CWF19L1: variants seen among roughly 807,000 people sequenced by gnomAD.
CWF19L1 encodes the protein CWF19-like protein 1.
In CWF19L1, 60 loss-of-function variants were observed where a neutral mutation model predicts 69.7. That is an observed-to-expected ratio of 0.86 (90% CI 0.70 to 1.07). The LOEUF is 1.07. Among genes scored for constraint, CWF19L1 ranks in the 50% least tolerant of loss-of-function variants. The probability of loss-of-function intolerance (pLI) is 0.00; values close to 1 mark genes in which losing one functional copy is unlikely to be tolerated. For missense variants in CWF19L1, 591 were observed against 638.9 expected (o/e 0.92, Z 0.81); for synonymous variants, 209 against 222.2 (o/e 0.94, Z 0.53).
chr10:100,253,554 C>T lies in CWF19L1; in HGVS notation c.505-15G>A. 6.7e-7 allele frequency: 1 copy of T among 1,491,284 alleles called. No homozygotes were observed. Among genetic ancestry groups the T allele is most frequent in the Non-Finnish European group, 9.4e-7 (1 of 1,068,878 alleles). The allele number at this position is 1,491,284 out of a possible 1,614,324, so 92.4% of individuals were successfully genotyped here. A position where few individuals can be genotyped will look rare whatever the true frequency, so the allele number is the denominator to read the frequency against. On this transcript the variant is annotated splice_polypyrimidine_tract_variant and intron_variant, in intron 5 of 13. Coordinates refer to ENST00000354105, the MANE Select transcript of CWF19L1 (RefSeq NM_018294.6). ...TCCACTTCTCCCTAGTAAACAAAAACTTAGTCATCCATACAGACCAAAAGT... is the reference window on the plus strand; with the variant it reads ...TCCACTTCTCCCTAGTAAACAAAAATTTAGTCATCCATACAGACCAAAAGT...
Position 100,235,779 on chromosome 10 carries a change from G to C in CWF19L1, c.1375-15C>G. 1 of 1,547,190 alleles carries C rather than the reference G, an allele frequency of 6.5e-7. No individual in the cohort carries two copies. Among genetic ancestry groups the C allele is most frequent in the Non-Finnish European group, 8.9e-7 (1 of 1,124,248 alleles). ...GGCTGTGCAATCTAAAGTAAACAGA[G>C]TTGTATGAGGATGTCCAATAATGCT... On this transcript the variant is annotated splice_polypyrimidine_tract_variant and intron_variant, in intron 12 of 13. Transcript: ENST00000354105.
At chr10:100,248,742 G>C in intron 7 of CWF19L1, 1 of 1,247,538 alleles carries the variant, frequency 8.0e-7, no homozygotes, top group Non-Finnish European at 1.2e-6. Context: ...CCACCTTTGG[G>C]CTCATCCTGG....
chr10:100,251,534 C>T (rs59758955), intron 6 of CWF19L1, among the ~76,000 whole-genome samples: 1,291 of 101,068 alleles, frequency 0.013, 22 homozygotes, highest in African/African-American at 0.049. Context: ...TTTTTTGAGA[C>T]GGAGTCTCAC....
In CWF19L1 at chr10:100,267,320, G is replaced by A. The variant is rs146534682; in HGVS notation, c.23+251C>T. ...GGCCAGGACTGCCCCCTAAGATGGA[G>A]GAGGCCTAACTCTGGGAGCTTCCGC... On this transcript the variant is annotated intron_variant, in intron 1 of 13. Transcript: ENST00000354105. 2.3e-3 allele frequency: 1,130 copies of A among 493,676 alleles called. 16 individuals carry two copies. Among genetic ancestry groups the A allele is most frequent in the African/African-American group, 0.022 (1,070 of 47,750 alleles). The allele number at this position is 493,676 out of a possible 1,614,324, so 30.6% of individuals were successfully genotyped here. A position where few individuals can be genotyped will look rare whatever the true frequency, so the allele number is the denominator to read the frequency against.
At chr10:100,253,569 A>C (rs1273736936) in intron 5 of CWF19L1, 30 bp from the exon 6 acceptor site, 2 of 1,238,154 alleles carry the variant, frequency 1.6e-6, no homozygotes, top group Non-Finnish European at 1.2e-6. Context: ...TCATCCATAC[A>C]GACCAAAAGT....
At chr10:100,236,777 C>A in intron 12 of CWF19L1, 73 bp downstream of exon 12, 1 of 1,516,400 alleles carries the variant, frequency 6.6e-7, no homozygotes, top group Non-Finnish European at 8.8e-7. Context: ...CTCAAACAAA[C>A]AAACAAACAA....
At chr10:100,236,612 A>ATTT (rs1043270383) in intron 12 of CWF19L1, among the ~76,000 whole-genome samples, 3 of 152,170 alleles carry the variant, frequency 2.0e-5, no homozygotes, top group Admixed American at 6.5e-5. Context: ...TCGACTAAAA[A>ATTT]TACAAAAAGT....
intron 4 of CWF19L1, 31 bp downstream of exon 4, chr10:100,260,187 C>CA (rs750118698): frequency 6.0e-3 from 7,632 of 1,272,722 alleles, no homozygotes; most frequent in Non-Finnish European, 6.3e-3. Flanking sequence ...AAACAAAAAA[C>CA]AAAAAAAAAA....
chr10:100,260,169 A>G, intron 4 of CWF19L1, 49 bp downstream of exon 4: 1 of 1,300,380 alleles, frequency 7.7e-7, no homozygotes, highest in Non-Finnish European at 1.1e-6. Flanking sequence ...CTCCGTCTCA[A>G]AAACAAAAAA....
intron 1 of CWF19L1, among the ~76,000 whole-genome samples, chr10:100,263,261 T>C (rs555871417): frequency 6.6e-6 from 1 of 152,280 alleles, no homozygotes; most frequent in Non-Finnish European, 1.5e-5. Flanking sequence ...TTTCTAGTAC[T>C]TTCTCCAAGT....
At chr10:100,252,768 G>A (rs148991108) in intron 6 of CWF19L1, among the ~76,000 whole-genome samples, 11,013 of 151,154 alleles carry the variant, frequency 0.073, 687 homozygotes, top group African/African-American at 0.16. Context: ...CCCAGGAGGC[G>A]GAGGTTGCAG....
rs371534072 is a variant in CWF19L1, at chr10:100,233,783, A to G, written c.1473-412T>C. Reference sequence around the variant, plus strand: ...TGAAATGCAAATAAGAACACCCACCATACAGGGTTTTTGTGAGGTACAGAG... The same window carrying G: ...TGAAATGCAAATAAGAACACCCACCGTACAGGGTTTTTGTGAGGTACAGAG... On this transcript the variant is annotated intron_variant, in intron 13 of 13. Coordinates refer to ENST00000354105, the MANE Select transcript of CWF19L1 (RefSeq NM_018294.6). Among the ~76,000 whole-genome samples, 94 of 145,854 alleles carry G rather than the reference A, an allele frequency of 6.4e-4. 4 individuals are homozygous for G. The South Asian group carries it at 0.019, about 30-fold the overall frequency.
intron 6 of CWF19L1, among the ~76,000 whole-genome samples, chr10:100,250,716 C>T (rs1221573510): frequency 6.6e-6 from 1 of 152,018 alleles, no homozygotes; most frequent in African/African-American, 2.4e-5. Flanking sequence ...GAGGCTGAGA[C>T]AGGAGGACTG....
chr10:100,264,803 G>A (rs60138434), intron 1 of CWF19L1, among the ~76,000 whole-genome samples: 7,397 of 151,772 alleles, frequency 0.049, 600 homozygotes, highest in African/African-American at 0.17. Flanking sequence ...GCCTAGACTC[G>A]TGTGTGTGTC....
intron 9 of CWF19L1, among the ~76,000 whole-genome samples, chr10:100,245,492 A>AC (rs1846785576): frequency 6.6e-6 from 1 of 152,230 alleles, no homozygotes; most frequent in African/African-American, 2.4e-5. Flanking sequence ...CCCCTAGAGA[A>AC]CCATACCTAT....
chr10:100,260,877 T>C, intron 3 of CWF19L1, 89 bp downstream of exon 3: 1 of 829,106 alleles, frequency 1.2e-6, no homozygotes, highest in Admixed American at 2.7e-5. Context: ...AACTCTTAAA[T>C]TCTTAAATAA....
At chr10:100,241,241 G>A (rs1371528630) in intron 10 of CWF19L1, among the ~76,000 whole-genome samples, 2 of 151,884 alleles carry the variant, frequency 1.3e-5, no homozygotes, top group South Asian at 2.1e-4. Flanking sequence ...TCCTGACCTC[G>A]TGATCCACCT....
At position 100,238,227 on chromosome 10, in the gene CWF19L1, T is replaced by C; in HGVS notation, c.1049A>G (p.Tyr350Cys). The C allele has an allele frequency of 6.2e-7, 1 of 1,614,060 alleles. No homozygotes were observed. The highest frequency in any genetic ancestry group is 2.2e-5 in the East Asian group (1 of 44,872). Reference protein sequence around the residue: ...HLVVNIGTHCYLALAKGGLSD... With the variant: ...HLVVNIGTHCCLALAKGGLSD... ...TAAGCCTCCTTTGGCCAGGGCAAGG[T>C]AGCACTGAAGAAGCAGCACACAGAA... Residue 350 changes from tyrosine (Y) to cysteine (C), a missense_variant, in exon 11 of 14, where the codon TAC becomes TGC. This residue lies in a region of CWF19L1 where 458 missense variants were observed against 489.3 expected (regional missense o/e 0.94). Transcript: ENST00000354105.
intron 10 of CWF19L1, among the ~76,000 whole-genome samples, chr10:100,240,103 A>G (rs750943856): frequency 6.6e-6 from 1 of 152,098 alleles, no homozygotes; most frequent in Non-Finnish European, 1.5e-5. Context: ...CGCTTGCCTA[A>G]TCTCCTCTCT....
Sources: allele counts gnomAD v4.1 joint callset (sites outside exome capture counted in the v4.1 genomes callset), GRCh38; gene constraint gnomAD v4.1.1; regional missense constraint gnomAD v4.1.1; transcripts MANE v1.5; gene names NCBI Gene and HGNC (gene_info 2026-07-23, HGNC 2026-07-21).